The following ARSB variants were observed in gnomAD, a reference collection of about 807,000 sequenced individuals.
The protein encoded by ARSB is N-acetylgalactosamine-4-sulfatase.
ARSB carries 41 observed loss-of-function variants against 50.9 expected under a neutral mutation model. The ratio of observed to expected loss-of-function variants is 0.81; its 90% CI spans 0.63 to 1.04. The LOEUF is 1.04. ARSB is among the 50% of genes least tolerant of loss of function. ARSB has a pLI of 0.00. For synonymous variants in ARSB, 269 were observed against 284.8 expected, an observed-to-expected ratio of 0.94 and a Z score of 0.56; for missense variants, 672 against 693.3, an observed-to-expected ratio of 0.97 and a Z score of 0.35.
intron 6 of ARSB, among the ~76,000 whole-genome samples, chr5:78,830,669 T>C (rs1370662224): frequency 2.0e-5 from 3 of 152,164 alleles, no homozygotes; most frequent in Non-Finnish European, 4.4e-5. Flanking sequence ...GGACTGCCTT[T>C]GGCATCAAAA....
chr5:78,818,642 C>T (rs1016606823), intron 6 of ARSB, among the ~76,000 whole-genome samples: 6 of 128,444 alleles, frequency 4.7e-5, no homozygotes, highest in Non-Finnish European at 7.9e-5. Context: ...GACAGAGTCT[C>T]GCTCTGTCGC....
intron 6 of ARSB, among the ~76,000 whole-genome samples, chr5:78,816,271 TAACA>T (rs1339193585): frequency 6.3e-4 from 96 of 152,324 alleles, no homozygotes; most frequent in African/African-American, 2.2e-3. Flanking sequence ...TTCTAGTGCC[TAACA>T]GGGCCTAGAA....
In ARSB at chr5:78,935,262, A is replaced by G. The variant is rs77702830; in HGVS notation, c.898+20033T>C. Among the ~76,000 whole-genome samples the G allele has an allele frequency of 9.2e-3, 1,406 of 152,322 alleles. 23 individuals are homozygous for G. The highest frequency in any genetic ancestry group is 0.032 in the African/African-American group (1,345 of 41,564). ...ATTGTATTCTCAGTAATCAAAATCA[A>G]AGACTGCTTTAAAAAATAATTCCTC... On this transcript the variant is annotated intron_variant, in intron 4 of 7. Transcript: ENST00000264914.
At chr5:78,865,045 C>G (rs1746644174) in intron 5 of ARSB, among the ~76,000 whole-genome samples, 1 of 152,152 alleles carries the variant, frequency 6.6e-6, no homozygotes, top group Non-Finnish European at 1.5e-5. Context: ...GTGCATGGTG[C>G]AAGCTGTCGT....
chr5:78,840,123 T>C (rs760384421), intron 5 of ARSB, among the ~76,000 whole-genome samples: 5 of 152,104 alleles, frequency 3.3e-5, no homozygotes, highest in African/African-American at 7.2e-5. Context: ...TCTTAAGAAA[T>C]TGGGAGCATA....
chr5:78,966,360 GA>G (rs553947247), intron 2 of ARSB, among the ~76,000 whole-genome samples: 4 of 151,734 alleles, frequency 2.6e-5, no homozygotes, highest in Non-Finnish European at 5.9e-5. Flanking sequence ...GCTTTTGGGG[GA>G]AAAAAATAGA....
chr5:78,958,069 C>T (rs1225180890), intron 3 of ARSB, among the ~76,000 whole-genome samples: 2 of 152,058 alleles, frequency 1.3e-5, no homozygotes, highest in African/African-American at 4.8e-5. Flanking sequence ...CATCTGGTAA[C>T]AAAAGGCTGG....
At chr5:78,930,592 G>A (rs1007132006) in intron 4 of ARSB, among the ~76,000 whole-genome samples, 1 of 152,172 alleles carries the variant, frequency 6.6e-6, no homozygotes, top group Non-Finnish European at 1.5e-5. Context: ...TAAACCTGTG[G>A]TGCCAATAAT....
At chr5:78,914,234 G>C (rs1475308293) in intron 4 of ARSB, among the ~76,000 whole-genome samples, 1 of 151,510 alleles carries the variant, frequency 6.6e-6, no homozygotes, top group Non-Finnish European at 1.5e-5. Flanking sequence ...CAAAGTGCTG[G>C]GATTACAAGC....
At chr5:78,959,334 A>G (rs973025384) in intron 3 of ARSB, among the ~76,000 whole-genome samples, 10 of 139,328 alleles carry the variant, frequency 7.2e-5, no homozygotes, top group Non-Finnish European at 1.5e-4. Flanking sequence ...ACCCAGTCTC[A>G]GGCAGCTTTT....
chr5:78,890,419 C>G (rs1748237959), intron 4 of ARSB, among the ~76,000 whole-genome samples: 1 of 151,954 alleles, frequency 6.6e-6, no homozygotes, highest in Non-Finnish European at 1.5e-5. Context: ...CTTGGCTACT[C>G]TTTCCCTGTT....
At chr5:78,800,257 G>A (rs1289954021) in intron 6 of ARSB, among the ~76,000 whole-genome samples, 1 of 151,548 alleles carries the variant, frequency 6.6e-6, no homozygotes, top group African/African-American at 2.4e-5. Flanking sequence ...GGCAGAGGTT[G>A]CAGTAAACCA....
intron 4 of ARSB, among the ~76,000 whole-genome samples, chr5:78,928,536 G>A (rs564465083): frequency 2.2e-4 from 34 of 152,094 alleles, no homozygotes; most frequent in Admixed American, 5.9e-4. Context: ...GGCTGGTCTC[G>A]AACTGCTGAC....
intron 4 of ARSB, among the ~76,000 whole-genome samples, chr5:78,887,621 T>C (rs1040905659): frequency 1.2e-4 from 18 of 152,358 alleles, no homozygotes; most frequent in Non-Finnish European, 1.6e-4. Flanking sequence ...TAGTAACTGC[T>C]GTTGTTCTTA....
At chr5:78,942,198 G>A (rs550613949) in intron 4 of ARSB, among the ~76,000 whole-genome samples, 216 of 150,172 alleles carry the variant, frequency 1.4e-3, no homozygotes, top group Middle Eastern at 3.4e-3. Context: ...TCTTGCTAGC[G>A]GTCTATCAAT....
intron 5 of ARSB, among the ~76,000 whole-genome samples, chr5:78,871,048 G>T (rs1294845632): frequency 3.3e-5 from 5 of 149,852 alleles, no homozygotes; most frequent in South Asian, 2.2e-4. Context: ...CAAATCATGA[G>T]TGAACTCCCA....
intron 4 of ARSB, among the ~76,000 whole-genome samples, chr5:78,919,772 T>A (rs7711919): frequency 0.5 from 76,033 of 151,974 alleles, 19,299 homozygotes; most frequent in Middle Eastern, 0.57. Context: ...GTGAGCTGGG[T>A]TTACAGGAGT....
intron 5 of ARSB, among the ~76,000 whole-genome samples, chr5:78,871,516 C>A (rs1018764049): frequency 6.0e-5 from 9 of 150,378 alleles, no homozygotes; most frequent in Non-Finnish European, 1.0e-4. Flanking sequence ...ACGCCGCTTA[C>A]CTACAACTAT....
At chr5:78,802,623 A>C (rs747682531) in intron 6 of ARSB, among the ~76,000 whole-genome samples, 22 of 152,228 alleles carry the variant, frequency 1.4e-4, no homozygotes, top group Non-Finnish European at 2.6e-4. Context: ...ACCCCTAAAC[A>C]GAGGCCGTGG....
Sources: gnomAD v4.1 joint callset for allele counts (sites outside exome capture counted in the v4.1 genomes callset) on GRCh38, gnomAD v4.1.1 for gene constraint, MANE v1.5 for transcripts, NCBI Gene and HGNC (gene_info 2026-07-23, HGNC 2026-07-21) for gene names.